DENND1A: variants seen among roughly 807,000 people sequenced by gnomAD.
DENND1A encodes DENN domain-containing protein 1A.
Under a neutral mutation model 113.7 loss-of-function variants are expected in DENND1A, and 51 were observed. The ratio of observed to expected loss-of-function variants is 0.45; its 90% confidence interval spans 0.36 to 0.57. The LOEUF (loss-of-function observed/expected upper bound fraction) is 0.57, where lower values mean the gene tolerates loss of function less well. Among genes scored for constraint, DENND1A ranks in the 20% least tolerant of loss-of-function variants. DENND1A has a pLI of 0.00. For synonymous variants in DENND1A, 565 were observed against 570.8 expected, an observed-to-expected ratio of 0.99 and a Z score of 0.14; for missense variants, 1,258 against 1,395.9, an observed-to-expected ratio of 0.90 and a Z score of 1.57.
chr9:123,697,742 C>T (rs991067395), intron 5 of DENND1A, among the ~76,000 whole-genome samples: 4 of 152,038 alleles, frequency 2.6e-5, no homozygotes, highest in Non-Finnish European at 5.9e-5. Flanking sequence ...AGCCTCAATG[C>T]GAAAAACCAG....
At chr9:123,615,523 C>T (rs2060611126) in intron 10 of DENND1A, among the ~76,000 whole-genome samples, 1 of 152,228 alleles carries the variant, frequency 6.6e-6, no homozygotes, top group African/African-American at 2.4e-5. Flanking sequence ...TCCCCTGCTA[C>T]CTTTTCCATC....
chr9:123,696,590 T>G (rs2140505727), intron 5 of DENND1A, among the ~76,000 whole-genome samples: 1 of 152,176 alleles, frequency 6.6e-6, no homozygotes, highest in Non-Finnish European at 1.5e-5. Flanking sequence ...TAAACCAAAA[T>G]TTAACATCCC....
At chr9:123,383,985 A>C (rs2130885071) in intron 22 of DENND1A, 72 bp from the exon 23 acceptor site, 5 of 1,552,546 alleles carry the variant, frequency 3.2e-6, no homozygotes, top group Non-Finnish European at 4.3e-6. Context: ...CTCCAGCCCA[A>C]GCACATTGAG....
At position 123,879,007 on chromosome 9, in the gene DENND1A, G is replaced by T; in HGVS notation, c.32C>A (p.Thr11Asn). 1 of 1,613,916 alleles carries T rather than the reference G, an allele frequency of 6.2e-7. No individual in the cohort carries two copies. Among genetic ancestry groups the T allele is most frequent in the South Asian group, 1.1e-5 (1 of 91,086 alleles). Residue 11 changes from threonine to asparagine, a missense_variant, in exon 2 of 24, where the codon ACC becomes AAC. Around this residue, in one of 2 missense-constraint regions of DENND1A, gnomAD observed 99 missense variants for 164.2 expected, o/e 0.60. Transcript: ENST00000394215. ...CACTTCAACATATACTTCAAATGTG[G>T]TCTCTGGATTCTGCCTACAAAAGAA... is the stretch of plus-strand genomic sequence containing the variant. MGSRIKQNPE[T>N]TFEVYVEVAY...
rs113617770 is a variant in DENND1A, at chr9:123,576,848, A to T, written c.867+6321T>A. Among the ~76,000 whole-genome samples, 67 of 152,298 alleles carry T rather than the reference A, an allele frequency of 4.4e-4. 1 individual carries two copies. The highest frequency in any genetic ancestry group is 1.3e-3 in the African/African-American group (56 of 41,550). On this transcript the variant is annotated intron_variant, in intron 12 of 23. Transcript: ENST00000394215. The stretch of plus-strand genomic sequence containing the variant: ...GTCATTCCATTGTCTTCTGCCTTAA[A>T]TGGTCTCTGGCAATAAGTCTGCTAG...
chr9:123,738,364 A>G (rs2068725117), intron 5 of DENND1A, among the ~76,000 whole-genome samples: 1 of 151,986 alleles, frequency 6.6e-6, no homozygotes, highest in African/African-American at 2.4e-5. Flanking sequence ...AACACAGCAC[A>G]AGAGAATAAA....
In DENND1A at chr9:123,912,980, G is replaced by A. The variant is rs149038926; in HGVS notation, c.17+16909C>T. Among the ~76,000 whole-genome samples the A allele has an allele frequency of 5.0e-3, 755 of 152,096 alleles. 3 individuals are homozygous for A. Among genetic ancestry groups the A allele is most frequent in the African/African-American group, 0.018 (732 of 41,492 alleles). ...AACTCCCACCCTACAGTGTAGTAAC[G>A]GAATCCTTCACCTTGGATGTCAACG... is the stretch of plus-strand genomic sequence containing the variant. On this transcript the variant is annotated intron_variant, in intron 1 of 23. Coordinates refer to ENST00000394215, the MANE Select transcript of DENND1A (RefSeq NM_001352964.2).
intron 5 of DENND1A, among the ~76,000 whole-genome samples, chr9:123,709,725 T>C (rs1220096654): frequency 6.6e-6 from 1 of 152,184 alleles, no homozygotes; most frequent in African/African-American, 2.4e-5. Flanking sequence ...TGATGGTCCC[T>C]ACTGAAATTT....
intron 1 of DENND1A, among the ~76,000 whole-genome samples, chr9:123,896,026 T>A (rs1349953572): frequency 2.0e-5 from 3 of 151,890 alleles, no homozygotes; most frequent in Admixed American, 6.6e-5. Context: ...GTCAAAAAAA[T>A]CTCAACAGGC....
intron 13 of DENND1A, among the ~76,000 whole-genome samples, chr9:123,539,877 C>T (rs188750207): frequency 0.017 from 2,306 of 134,924 alleles, 53 homozygotes; most frequent in African/African-American, 0.064. Flanking sequence ...AGTGAGACTC[C>T]GTCTCAAAAA....
chr9:123,395,468 C>G (rs867240288), intron 21 of DENND1A, among the ~76,000 whole-genome samples: 203 of 142,984 alleles, frequency 1.4e-3, no homozygotes, highest in African/African-American at 5.3e-3. Context: ...CTCTCTCTCT[C>G]TGTGTGTGTG....
At chr9:123,450,095 T>C (rs1445179683) in intron 18 of DENND1A, among the ~76,000 whole-genome samples, 1 of 146,038 alleles carries the variant, frequency 6.8e-6, no homozygotes, top group African/African-American at 2.6e-5. Context: ...AGCCAGGACA[T>C]AGCTGGGATG....
chr9:123,651,854 C>A (rs1478313844), intron 9 of DENND1A, among the ~76,000 whole-genome samples, 159 bp downstream of exon 9: 1 of 22,886 alleles, frequency 4.4e-5, no homozygotes, highest in African/African-American at 1.4e-4. Context: ...TGCATTGGCA[C>A]TGTAAAAAAA....
rs1857337638 is a variant in DENND1A, at chr9:123,927,646, C to A, written c.17+2243G>T. On this transcript the variant is annotated intron_variant, in intron 1 of 23. Coordinates refer to ENST00000394215, the MANE Select transcript of DENND1A (RefSeq NM_001352964.2). Reference sequence around the variant, plus strand: ...GTTTCATAATTAGCATTAAAAAGAGCTGGAATTTGAACCTAGACCTGATTC... The same window carrying A: ...GTTTCATAATTAGCATTAAAAAGAGATGGAATTTGAACCTAGACCTGATTC... 1.3e-5 allele frequency among the ~76,000 whole-genome samples: 2 copies of A among 152,166 alleles called. 1 individual carries two copies. Among genetic ancestry groups the A allele is most frequent in the South Asian group, 4.1e-4 (2 of 4,830 alleles).
chr9:123,396,937 G>A (rs1444526275), intron 21 of DENND1A, among the ~76,000 whole-genome samples: 1 of 152,216 alleles, frequency 6.6e-6, no homozygotes, highest in Admixed American at 6.5e-5. Flanking sequence ...AACTGGTTAA[G>A]GGTAAAGGCT....
intron 5 of DENND1A, among the ~76,000 whole-genome samples, chr9:123,678,274 A>C (rs1265378289): frequency 2.4e-4 from 36 of 152,210 alleles, no homozygotes; most frequent in Admixed American, 2.4e-3. Flanking sequence ...CTCAGCGTTT[A>C]CTGAGCAAAT....
intron 2 of DENND1A, among the ~76,000 whole-genome samples, chr9:123,808,656 G>A (rs1049805528): frequency 1.3e-5 from 2 of 152,058 alleles, no homozygotes; most frequent in Non-Finnish European, 1.5e-5. Context: ...AAGTTCCCAG[G>A]TGATGTTGAC....
intron 1 of DENND1A, among the ~76,000 whole-genome samples, chr9:123,885,313 GATAAA>G (rs1265264402): frequency 1.3e-5 from 2 of 152,192 alleles, no homozygotes; most frequent in Non-Finnish European, 2.9e-5. Flanking sequence ...GTGTGTCTCA[GATAAA>G]ATATAATACA....
At chr9:123,562,319 C>A (rs2057805845) in intron 12 of DENND1A, among the ~76,000 whole-genome samples, 1 of 152,168 alleles carries the variant, frequency 6.6e-6, no homozygotes, top group Non-Finnish European at 1.5e-5. Context: ...CTTGTCCCTT[C>A]CTGTCCTGCT....
Sources: gnomAD v4.1 joint callset for allele counts (sites outside exome capture counted in the v4.1 genomes callset) on GRCh38, gnomAD v4.1.1 for gene constraint, gnomAD v4.1.1 regional missense constraint, MANE v1.5 for transcripts, NCBI Gene and HGNC (gene_info 2026-07-23, HGNC 2026-07-21) for gene names.